The following CCDC85C variants were observed in gnomAD, a reference collection of about 807,000 sequenced individuals.
The protein encoded by CCDC85C is coiled-coil domain-containing protein 85C.
Under a neutral mutation model 38.3 loss-of-function variants are expected in CCDC85C, and 18 were observed. The observed-to-expected ratio is 0.47, with a 90% confidence interval of 0.33 to 0.70. The LOEUF (loss-of-function observed/expected upper bound fraction) is 0.70, where lower values mean the gene tolerates loss of function less well. Among genes scored for constraint, CCDC85C ranks in the 30% least tolerant of loss-of-function variants. The probability of loss-of-function intolerance (pLI) is 0.03; values close to 1 mark genes in which losing one functional copy is unlikely to be tolerated. For synonymous variants in CCDC85C, 264 were observed against 293.8 expected (o/e 0.90, Z 1.04); for missense variants, 566 against 621.2 (o/e 0.91, Z 0.94).
intron 1 of CCDC85C, among the ~76,000 whole-genome samples, chr14:99,574,506 T>A (rs1898429430): frequency 6.6e-6 from 1 of 152,084 alleles, no homozygotes. Flanking sequence ...CAGGGAACCC[T>A]GCCAAGTTCA....
At chr14:99,559,765 C>T (rs1178887983) in intron 1 of CCDC85C, among the ~76,000 whole-genome samples, 1 of 152,152 alleles carries the variant, frequency 6.6e-6, no homozygotes, top group South Asian at 2.1e-4. Context: ...AGGGTGGCTG[C>T]AGACTAAGAG....
rs1336098114 is a variant in CCDC85C, at chr14:99,548,126, G to A, written c.794-12038C>T. Among the ~76,000 whole-genome samples, 2 of 152,128 alleles carry A rather than the reference G, an allele frequency of 1.3e-5. No individual in the cohort carries two copies. The highest frequency in any genetic ancestry group is 4.8e-5 in the African/African-American group (2 of 41,424). On this transcript the variant is annotated intron_variant, in intron 1 of 5. Transcript: ENST00000380243. This position sits in a 1 kb window ranked among gnomAD's most constrained non-coding sequence, Gnocchi z 4.9. ...GAACGCTGCCAGAGAGTGGCTAGGT[G>A]AGCAGAGTTGGACAACAAGCTGCCA...
intron 1 of CCDC85C, among the ~76,000 whole-genome samples, chr14:99,595,218 T>C (rs2055130311): frequency 6.6e-6 from 1 of 152,052 alleles, no homozygotes; most frequent in African/African-American, 2.4e-5. Flanking sequence ...ATGACTTTGC[T>C]CGGCTCTTCT....
intron 1 of CCDC85C, among the ~76,000 whole-genome samples, chr14:99,561,176 G>A (rs542888511): frequency 5.6e-4 from 85 of 152,328 alleles, no homozygotes; most frequent in Admixed American, 1.0e-3. Context: ...CCACATGGCC[G>A]TAGCGGCCCT....
chr14:99,548,714 G>A lies in CCDC85C; in HGVS notation c.794-12626C>T, dbSNP rs888173023. On this transcript the variant is annotated intron_variant, in intron 1 of 5. Coordinates refer to ENST00000380243, the MANE Select transcript of CCDC85C (RefSeq NM_001144995.2). The surrounding 1 kb of genome is among the most constrained non-coding windows in gnomAD (Gnocchi z 4.9). Reference sequence around the variant, plus strand: ...CACACTCCTATAGTCCCAGGTACTCGGGAGACCGAGGCGGGAGGCGTGCTG... The same window carrying A: ...CACACTCCTATAGTCCCAGGTACTCAGGAGACCGAGGCGGGAGGCGTGCTG... 2.6e-5 allele frequency among the ~76,000 whole-genome samples: 4 copies of A among 152,250 alleles called. No homozygotes were observed. The highest frequency in any genetic ancestry group is 9.6e-5 in the African/African-American group (4 of 41,550).
chr14:99,543,788 G>C (rs527629573), intron 1 of CCDC85C, among the ~76,000 whole-genome samples: 1 of 152,338 alleles, frequency 6.6e-6, no homozygotes, highest in African/African-American at 2.4e-5. Flanking sequence ...GGGGCAGGCT[G>C]AATGTGAAAC....
intron 2 of CCDC85C, among the ~76,000 whole-genome samples, chr14:99,528,896 AC>A (rs368941539): frequency 3.0e-4 from 46 of 152,274 alleles, no homozygotes; most frequent in African/African-American, 1.0e-3. Flanking sequence ...TGGGCTTATT[AC>A]CTAGGCCATG....
chr14:99,519,765 G>T (rs1897278311), intron 3 of CCDC85C, among the ~76,000 whole-genome samples: 1 of 152,200 alleles, frequency 6.6e-6, no homozygotes, highest in Non-Finnish European at 1.5e-5. Context: ...GCTGGACCCT[G>T]AGAACAAGAT....
At chr14:99,568,006 G>A (rs1898252339) in intron 1 of CCDC85C, among the ~76,000 whole-genome samples, 1 of 151,960 alleles carries the variant, frequency 6.6e-6, no homozygotes, top group Non-Finnish European at 1.5e-5. Flanking sequence ...CACCCCCAGA[G>A]GAAATGGTTA....
chr14:99,507,728 C>A lies in CCDC85C; in HGVS notation c.*7518G>T. 6.5e-6 allele frequency: 1 copy of A among 154,130 alleles called. No homozygotes were observed. Among genetic ancestry groups the A allele is most frequent in the Non-Finnish European group, 1.4e-5 (1 of 69,262 alleles). The allele number at this position is 154,130 out of a possible 1,614,324, so 9.5% of individuals were successfully genotyped here. On this transcript the variant is annotated 3_prime_UTR_variant, in exon 6 of 6. Coordinates refer to ENST00000380243, the MANE Select transcript of CCDC85C (RefSeq NM_001144995.2). ...GCCTTCTGAGATAGAGGCAGGGTTACTGTGGCTACTAGGCTCCGGCCGCCC... is the reference window on the plus strand; with the variant it reads ...GCCTTCTGAGATAGAGGCAGGGTTAATGTGGCTACTAGGCTCCGGCCGCCC...
chr14:99,592,523 C>T (rs2055098595), intron 1 of CCDC85C, among the ~76,000 whole-genome samples: 1 of 152,136 alleles, frequency 6.6e-6, no homozygotes, highest in African/African-American at 2.4e-5. Flanking sequence ...TCCTAGGTGA[C>T]CAGCACACCA....
At chr14:99,518,841 C>T (rs1307572322) in intron 3 of CCDC85C, among the ~76,000 whole-genome samples, 1 of 152,202 alleles carries the variant, frequency 6.6e-6, no homozygotes, top group Admixed American at 6.5e-5. Flanking sequence ...CCCTCTCCTG[C>T]CCGCCTCACT....
Position 99,576,786 on chromosome 14 carries a change from G to A in CCDC85C, c.793+26381C>T, listed in dbSNP as rs2139969698. Among the ~76,000 whole-genome samples the A allele has an allele frequency of 6.6e-6, 1 of 152,286 alleles. No individual in the cohort carries two copies. Among genetic ancestry groups the A allele is most frequent in the South Asian group, 2.1e-4 (1 of 4,828 alleles). ...CCCATGACACCCTGGGGATTCAGAG[G>A]GTGGAACGGACTATCAGTCACTCTA... is the stretch of plus-strand genomic sequence containing the variant. On this transcript the variant is annotated intron_variant, in intron 1 of 5. Transcript: ENST00000380243. The surrounding 1 kb of genome is among the most constrained non-coding windows in gnomAD (Gnocchi z 4.8).
chr14:99,507,115 A>G lies in CCDC85C; in HGVS notation c.*8131T>C. ...AAAATCCCCAAAATTGAGACCACTC[A>G]TCCACCGTTGCCTCCAGCCCACCCA... On this transcript the variant is annotated 3_prime_UTR_variant, in exon 6 of 6. Transcript: ENST00000380243. 6.2e-7 allele frequency: 1 copy of G among 1,612,648 alleles called. No homozygotes were observed. The highest frequency in any genetic ancestry group is 8.5e-7 in the Non-Finnish European group (1 of 1,178,686).
intron 1 of CCDC85C, among the ~76,000 whole-genome samples, chr14:99,547,759 G>A (rs1387807214): frequency 6.6e-6 from 1 of 151,718 alleles, no homozygotes; most frequent in Non-Finnish European, 1.5e-5. Context: ...GGGTGACAGA[G>A]CGAGACTCTG....
At chr14:99,553,155 T>A (rs930382884) in intron 1 of CCDC85C, among the ~76,000 whole-genome samples, 31 of 152,268 alleles carry the variant, frequency 2.0e-4, no homozygotes, top group African/African-American at 7.2e-4. Flanking sequence ...TCTCATGTTC[T>A]CATCTGTAAA....
chr14:99,519,273 G>A (rs868396445), intron 3 of CCDC85C, among the ~76,000 whole-genome samples: 1 of 130,132 alleles, frequency 7.7e-6, no homozygotes, highest in Admixed American at 7.9e-5. Context: ...ACACCACCAT[G>A]CCCAGCTTTT....
chr14:99,511,255 T>C lies in CCDC85C; in HGVS notation c.*3991A>G, dbSNP rs924664209. The C allele has an allele frequency of 6.6e-6, 1 of 152,540 alleles. No homozygotes were observed. Among genetic ancestry groups the C allele is most frequent in the Non-Finnish European group, 1.5e-5 (1 of 68,282 alleles). 9.4% of individuals were successfully genotyped at this position (152,540 alleles called of 1,614,324 possible). ...ACCCAGAAGGGGCAGAAGAACCACA[T>C]TTTTCATTTATAGATGTTTGCATCC... On this transcript the variant is annotated 3_prime_UTR_variant, in exon 6 of 6. Coordinates refer to ENST00000380243, the MANE Select transcript of CCDC85C (RefSeq NM_001144995.2).
chr14:99,585,581 T>G (rs2139980819), intron 1 of CCDC85C, among the ~76,000 whole-genome samples: 1 of 152,368 alleles, frequency 6.6e-6, no homozygotes, highest in East Asian at 1.9e-4. Flanking sequence ...TTATTCCTAC[T>G]ATTATTGTCA....
Sources: gnomAD v4.1 joint callset for allele counts (sites outside exome capture counted in the v4.1 genomes callset) on GRCh38, gnomAD v4.1.1 for gene constraint, Gnocchi (gnomAD v3.1) non-coding constraint, MANE v1.5 for transcripts, NCBI Gene and HGNC (gene_info 2026-07-23, HGNC 2026-07-21) for gene names.